Variants in COL16A1 observed in about 807,000 individuals in gnomAD.
COL16A1 encodes the protein collagen type XVI alpha 1 chain, also known as collagen alpha-1(XVI) chain.
In COL16A1, 189 loss-of-function variants were observed where a neutral mutation model predicts 266.3. The observed-to-expected ratio is 0.71, with a 90% CI of 0.63 to 0.80. COL16A1 has a LOEUF of 0.80. COL16A1 is among the 30% of genes least tolerant of loss of function. COL16A1 has a pLI of 0.00. For synonymous variants in COL16A1, 740 were observed against 782.3 expected (o/e 0.95, Z 0.90); for missense variants, 1,928 against 2,122.4 (o/e 0.91, Z 1.80).
chr1:31,697,075 G>T lies in COL16A1; in HGVS notation c.752C>A (p.Thr251Asn), dbSNP rs1257463940. 6.2e-7 allele frequency: 1 copy of T among 1,614,178 alleles called. No individual in the cohort carries two copies. The highest frequency in any genetic ancestry group is 8.5e-7 in the Non-Finnish European group (1 of 1,180,026). Residue 251 changes from threonine (T) to asparagine (N), a missense_variant, in exon 8 of 71, where the codon ACC becomes AAC. By Grantham distance (65) the Thr-to-Asn change is moderately conservative. Transcript: ENST00000373672. The surrounding 1 kb of genome is among the most constrained non-coding windows in gnomAD (Gnocchi z 4.2). ...CTGGGTGTCCCGGCGGGCCTTGGAG[G>T]TCTCTGGGGGGCACTGTTTGGTGGA... ...EILPAGCPPE[T>N]SKARRDTQSN...
intron 2 of COL16A1, chr1:31,701,274 T>G (rs1644714249): frequency 1.0e-6 from 1 of 979,956 alleles, no homozygotes; most frequent in Admixed American, 6.2e-5. Flanking sequence ...GATGTTGAAA[T>G]TATCTGCCCC....
intron 47 of COL16A1, 96 bp downstream of exon 47, chr1:31,672,320 G>C: frequency 7.2e-7 from 1 of 1,388,370 alleles, no homozygotes; most frequent in East Asian, 2.3e-5. Context: ...GTGGTAAAGG[G>C]CATCAGTCAG....
Position 31,670,589 on chromosome 1 carries a change from G to C in COL16A1, c.3195+13C>G. On this transcript the variant is annotated intron_variant, in intron 49 of 70. Transcript: ENST00000373672. This position sits in a 1 kb window ranked among gnomAD's most constrained non-coding sequence, Gnocchi z 4.5. ...CGGGGGGGAGGGGAGGTCGAGCAGC[G>C]CTAGGTTCTTACAGGCAATCCGGGG... is the stretch of plus-strand genomic sequence containing the variant. The C allele has an allele frequency of 7.2e-7, 1 of 1,395,678 alleles. No individual in the cohort carries two copies. Among genetic ancestry groups the C allele is most frequent in the East Asian group, 3.1e-5 (1 of 32,542 alleles). The allele number at this position is 1,395,678 out of a possible 1,614,324, so 86.5% of individuals were successfully genotyped here. A position where few individuals can be genotyped will look rare whatever the true frequency, so the allele number is the denominator to read the frequency against.
chr1:31,658,336 A>G, intron 64 of COL16A1, 152 bp downstream of exon 64: 2 of 705,670 alleles, frequency 2.8e-6, no homozygotes, highest in South Asian at 3.4e-5. Flanking sequence ...CAAATTCAGC[A>G]TGATCCTCAG....
chr1:31,668,983 A>G lies in COL16A1; in HGVS notation c.3196-128T>C. ...ATATGGAGGCCATAGTGGCTCTCGT[A>G]GTGTCCCTAGAAGGTGACCCGTAAT... On this transcript the variant is annotated intron_variant, in intron 49 of 70. Coordinates refer to ENST00000373672, the MANE Select transcript of COL16A1 (RefSeq NM_001856.4). This position sits in a 1 kb window ranked among gnomAD's most constrained non-coding sequence, Gnocchi z 5.8. 1.3e-6 allele frequency: 1 copy of G among 786,070 alleles called. No homozygotes were observed. The highest frequency in any genetic ancestry group is 2.6e-5 in the Admixed American group (1 of 38,818). The allele number at this position is 786,070 out of a possible 1,614,324, so 48.7% of individuals were successfully genotyped here.
Position 31,697,291 on chromosome 1 carries a change from G to A in COL16A1, c.667C>T (p.Gln223Ter). The change falls in exon 7 of 71, where the codon CAG becomes TAG. Residue 223 changes from glutamine (Q) to a stop codon, truncating the protein, a stop_gained. Coordinates refer to ENST00000373672, the MANE Select transcript of COL16A1 (RefSeq NM_001856.4). LOFTEE classifies it high-confidence loss of function. The surrounding 1 kb of genome is among the most constrained non-coding windows in gnomAD (Gnocchi z 4.2). ...EQGKPVSFDL[Q>*]QVHIYCDPEL... ...GGGTCACAGTAGATGTGCACCTGCT[G>A]AAGGTCAAACTGCAGGAGACACACA... is the stretch of plus-strand genomic sequence containing the variant. The A allele has an allele frequency of 6.2e-7, 1 of 1,609,094 alleles. No homozygotes were observed. The highest frequency in any genetic ancestry group is 8.5e-7 in the Non-Finnish European group (1 of 1,177,590).
intron 4 of COL16A1, 39 bp downstream of exon 4, chr1:31,699,774 G>T: frequency 1.6e-6 from 2 of 1,285,534 alleles, no homozygotes; most frequent in Non-Finnish European, 1.1e-6. Context: ...TGTGGCTGAG[G>T]TCAGTGTTGA....
intron 67 of COL16A1, 109 bp from the exon 68 acceptor site, chr1:31,654,967 GATTC>G: frequency 3.6e-5 from 14 of 384,160 alleles, no homozygotes; most frequent in Non-Finnish European, 4.6e-5. Flanking sequence ...GCCTCCCACA[GATTC>G]TTTTTTTTTT....
intron 8 of COL16A1, 76 bp from the exon 9 acceptor site, chr1:31,696,217 C>G (rs1407480177): frequency 4.2e-5 from 56 of 1,348,976 alleles, no homozygotes; most frequent in Non-Finnish European, 1.6e-5. Context: ...GGCACCCAGG[C>G]AGGGGGCATG....
At position 31,666,056 on chromosome 1, in the gene COL16A1, G is replaced by A. The variant is rs1228033007; in HGVS notation, c.3383C>T (p.Pro1128Leu). 1 of 1,612,894 alleles carries A rather than the reference G, an allele frequency of 6.2e-7. No homozygotes were observed. Residue 1128 changes from proline (P) to leucine (L), a missense_variant, in exon 53 of 71, where the codon CCA (proline) becomes CTA (leucine). Physicochemically the swap from Pro to Leu is moderately conservative, Grantham distance 98. Transcript: ENST00000373672. ...EPGPPGSEGL[P>L]GPPGPAGPRG... ...ACTCACCGCTGGGCCTGGGGGGCCT[G>A]GGAGGCCTTCAGATCCTGGGGGGCC...
chr1:31,674,896 T>A, intron 44 of COL16A1, 111 bp downstream of exon 44: 2 of 1,503,768 alleles, frequency 1.3e-6, no homozygotes, highest in Non-Finnish European at 1.8e-6. Context: ...GCGTATTCCC[T>A]GCAAACTGCT....
intron 67 of COL16A1, 91 bp from the exon 68 acceptor site, chr1:31,654,949 TC>T: frequency 1.9e-6 from 2 of 1,027,756 alleles, no homozygotes; most frequent in Non-Finnish European, 1.4e-6. Flanking sequence ...AAGGCAAAGG[TC>T]CCAGGAGCCT....
At chr1:31,686,318 G>A (rs1453445072) in intron 26 of COL16A1, 39 bp from the exon 27 acceptor site, 3 of 1,614,136 alleles carry the variant, frequency 1.9e-6, no homozygotes, top group East Asian at 2.2e-5. Context: ...AAGAGGGGAT[G>A]GAGTCTGGGT....
Position 31,656,538 on chromosome 1 carries a change from T to G in COL16A1, c.4057-94A>C. The G allele has an allele frequency of 6.5e-7, 1 of 1,543,260 alleles. No individual in the cohort carries two copies. ...CAGTGAAGAGGCCCCTTCCACAGCCTGAGGCCCCCAGGTGTGTCCAGCCCA... is the reference window on the plus strand; with the variant it reads ...CAGTGAAGAGGCCCCTTCCACAGCCGGAGGCCCCCAGGTGTGTCCAGCCCA... On this transcript the variant is annotated intron_variant, in intron 65 of 70. Transcript: ENST00000373672. The surrounding 1 kb of genome is among the most constrained non-coding windows in gnomAD (Gnocchi z 4.2).
In COL16A1 at chr1:31,683,956, G is replaced by T. The variant is rs766521037; in HGVS notation, c.2331C>A (p.Gly777=). 2 of 1,614,160 alleles carry T rather than the reference G, an allele frequency of 1.2e-6. No homozygotes were observed. The highest frequency in any genetic ancestry group is 8.5e-7 in the Non-Finnish European group (1 of 1,180,016). ...PGVQGPPGLK[G]VQGEPGPPGR... ...CCCCAAGACTCACACATACCTGCAC[G>T]CCCTTCAGTCCTGGGGGCCCTTGAA... The change falls in exon 33 of 71, where the codon GGC becomes GGA. Residue 777 remains glycine, a synonymous_variant. Transcript: ENST00000373672.
At chr1:31,662,860 A>G in intron 56 of COL16A1, 1 of 603,106 alleles carries the variant, frequency 1.7e-6, no homozygotes, top group South Asian at 2.0e-5. Flanking sequence ...TCATCTGCAA[A>G]GCATCCCCTT....
At position 31,672,520 on chromosome 1, in the gene COL16A1, C is replaced by T. The variant is rs776121059; in HGVS notation, c.3019-18G>A. 9.9e-6 allele frequency: 16 copies of T among 1,613,872 alleles called. No homozygotes were observed. Among genetic ancestry groups the T allele is most frequent in the Admixed American group, 6.7e-5 (4 of 59,988 alleles). ...TTGTCACCCTGGAGAAGGATGGAGA[C>T]GGTGATAGTGAGCAGTCAGGGCCTG... On this transcript the variant is annotated intron_variant, in intron 46 of 70. Coordinates refer to ENST00000373672, the MANE Select transcript of COL16A1 (RefSeq NM_001856.4).
chr1:31,680,586 G>A (rs1414061434), intron 39 of COL16A1, among the ~76,000 whole-genome samples: 1 of 152,144 alleles, frequency 6.6e-6, no homozygotes, highest in African/African-American at 2.4e-5. Flanking sequence ...GCCCCCATTT[G>A]AAAATGCAGC....
intron 52 of COL16A1, 125 bp downstream of exon 52, chr1:31,667,450 C>CT: frequency 1.3e-6 from 1 of 764,976 alleles, no homozygotes; most frequent in Non-Finnish European, 2.1e-6. Context: ...GTGCTGCAGG[C>CT]TTGGGGGCAG....
Sources: allele counts gnomAD v4.1 joint callset (sites outside exome capture counted in the v4.1 genomes callset), GRCh38; gene constraint gnomAD v4.1.1; non-coding constraint Gnocchi (gnomAD v3.1); transcripts MANE v1.5; gene names NCBI Gene and HGNC (gene_info 2026-07-23, HGNC 2026-07-21).